STXBP5L: variants seen among roughly 807,000 people sequenced by gnomAD.
STXBP5L encodes syntaxin binding protein 5L.
STXBP5L carries 65 observed loss-of-function variants against 144.5 expected under a neutral mutation model. That is an observed-to-expected ratio of 0.45 (90% CI 0.37 to 0.55). STXBP5L has a LOEUF of 0.55. Among genes scored for constraint, STXBP5L ranks in the 20% least tolerant of loss-of-function variants. The pLI, the probability that STXBP5L is intolerant of heterozygous loss-of-function variation, is 0.00. For synonymous variants in STXBP5L, 505 were observed against 469.6 expected, an observed-to-expected ratio of 1.08 and a Z score of -0.97; for missense variants, 1,298 against 1,405.5, an observed-to-expected ratio of 0.92 and a Z score of 1.22.
At chr3:121,181,292 G>C (rs2047142944) in intron 9 of STXBP5L, among the ~76,000 whole-genome samples, 1 of 151,980 alleles carries the variant, frequency 6.6e-6, no homozygotes, top group African/African-American at 2.4e-5. Context: ...CTCCAGCCTG[G>C]GCAACAAGAG....
intron 3 of STXBP5L, among the ~76,000 whole-genome samples, chr3:120,988,299 G>GT (rs1184324219): frequency 4.6e-5 from 7 of 151,126 alleles, no homozygotes; most frequent in Non-Finnish European, 7.4e-5. Flanking sequence ...TAATACAGGT[G>GT]TTTTTTTCAT....
intron 22 of STXBP5L, among the ~76,000 whole-genome samples, chr3:121,387,619 A>G (rs910539680): frequency 5.3e-5 from 8 of 152,222 alleles, no homozygotes; most frequent in East Asian, 3.8e-4. Flanking sequence ...AGCTTTCTAC[A>G]TATGGCTAGC....
chr3:120,939,900 G>A (rs1391823860), intron 2 of STXBP5L, among the ~76,000 whole-genome samples: 1 of 152,116 alleles, frequency 6.6e-6, no homozygotes, highest in Admixed American at 6.6e-5. Flanking sequence ...TATAGATGAA[G>A]AAACTGAGAG....
At chr3:121,356,200 C>T (rs1327924710) in intron 20 of STXBP5L, among the ~76,000 whole-genome samples, 2 of 152,242 alleles carry the variant, frequency 1.3e-5, no homozygotes. Context: ...AAACGCCGTG[C>T]TGGGAGAAAC....
At chr3:121,291,781 G>A (rs1210994846) in intron 19 of STXBP5L, among the ~76,000 whole-genome samples, 3 of 151,890 alleles carry the variant, frequency 2.0e-5, no homozygotes, top group Non-Finnish European at 2.9e-5. Context: ...CATCAACAAA[G>A]CGAACAATAA....
intron 5 of STXBP5L, among the ~76,000 whole-genome samples, chr3:121,085,554 C>A (rs1415703262): frequency 6.6e-6 from 1 of 152,116 alleles, no homozygotes; most frequent in Non-Finnish European, 1.5e-5. Flanking sequence ...AGAGCCAAAT[C>A]ATGAATGAAC....
intron 5 of STXBP5L, among the ~76,000 whole-genome samples, chr3:121,076,059 A>G (rs529625653): frequency 2.6e-5 from 4 of 152,154 alleles, no homozygotes; most frequent in Non-Finnish European, 4.4e-5. Flanking sequence ...AATTTAAGAG[A>G]TCAGTAGTAG....
chr3:121,290,201 T>A (rs1262119641), intron 19 of STXBP5L, among the ~76,000 whole-genome samples: 2 of 151,924 alleles, frequency 1.3e-5, no homozygotes, highest in Non-Finnish European at 2.9e-5. Flanking sequence ...ATAAACTCAA[T>A]TAGAAACAAA....
intron 9 of STXBP5L, among the ~76,000 whole-genome samples, chr3:121,172,682 C>A (rs933920408): frequency 7.2e-5 from 11 of 152,150 alleles, no homozygotes; most frequent in African/African-American, 2.2e-4. Flanking sequence ...CAGGAAACAA[C>A]AGATGCTGGA....
intron 10 of STXBP5L, among the ~76,000 whole-genome samples, chr3:121,215,601 G>C (rs1313314453): frequency 6.6e-6 from 1 of 152,144 alleles, no homozygotes; most frequent in East Asian, 1.9e-4. Context: ...CCCTTTGTAG[G>C]TAACCCGACC....
rs118064262 is a variant in STXBP5L at position 121,154,805 on chromosome 3, A to G, written c.753+2245A>G. 3.7e-4 allele frequency among the ~76,000 whole-genome samples: 56 copies of G among 151,760 alleles called. 1 individual carries two copies. In the East Asian group the frequency reaches 8.9e-3, roughly 24 times the overall value. On this transcript the variant is annotated intron_variant, in intron 8 of 26. Coordinates refer to ENST00000471454, the MANE Select transcript of STXBP5L (RefSeq NM_001308330.2). ...TATTTAAATATCTAAACCTCCTTCT[A>G]TGTTTTCTTCTGGTTTTTAAGTCTT...
intron 5 of STXBP5L, among the ~76,000 whole-genome samples, chr3:121,071,446 G>T (rs897319954): frequency 3.3e-5 from 5 of 152,194 alleles, no homozygotes; most frequent in African/African-American, 9.6e-5. Context: ...CAGGGAAGTT[G>T]TCCGTGTCAG....
At chr3:121,369,897 G>T (rs567510381) in intron 20 of STXBP5L, among the ~76,000 whole-genome samples, 2 of 152,120 alleles carry the variant, frequency 1.3e-5, no homozygotes, top group Non-Finnish European at 2.9e-5. Flanking sequence ...TAGCTAGGTT[G>T]GGTAAGTTCT....
At chr3:120,996,171 A>G (rs529488879) in intron 3 of STXBP5L, among the ~76,000 whole-genome samples, 3 of 151,494 alleles carry the variant, frequency 2.0e-5, no homozygotes, top group Non-Finnish European at 2.9e-5. Context: ...TGCTTTCCAT[A>G]TTTTTGTTTT....
chr3:121,026,098 C>G (rs1353622988), intron 3 of STXBP5L, among the ~76,000 whole-genome samples: 1 of 149,236 alleles, frequency 6.7e-6, no homozygotes, highest in East Asian at 1.9e-4. Context: ...GCTTAAAAGC[C>G]TTCAGTGACT....
At chr3:121,061,621 C>G (rs1335302855) in intron 5 of STXBP5L, among the ~76,000 whole-genome samples, 1 of 152,194 alleles carries the variant, frequency 6.6e-6, no homozygotes, top group African/African-American at 2.4e-5. Flanking sequence ...TTGTAGGTCT[C>G]TAAGAACTTG....
chr3:121,082,651 T>C (rs1290062007), intron 5 of STXBP5L, among the ~76,000 whole-genome samples: 3 of 152,234 alleles, frequency 2.0e-5, no homozygotes, highest in Non-Finnish European at 4.4e-5. Flanking sequence ...AGTACATGTG[T>C]AAGCAGGAGG....
In STXBP5L at chr3:121,257,273, C is replaced by T; in HGVS notation, c.1772C>T (p.Ser591Phe). The change falls in exon 17 of 27, where the codon TCT becomes TTT. Residue 591 changes from serine to phenylalanine, a missense_variant. Transcript: ENST00000471454. The part of the protein sequence containing the change: ...SAQLPSSRSL[S>F]GSTNTVASEG... ...CAGCTTCCTTCTTCAAGGAGTCTTT[C>T]TGGGAGCACTAACACTGTTGCTAGT... 6.2e-7 allele frequency: 1 copy of T among 1,613,814 alleles called. No individual in the cohort carries two copies. The highest frequency in any genetic ancestry group is 8.5e-7 in the Non-Finnish European group (1 of 1,179,798).
intron 3 of STXBP5L, among the ~76,000 whole-genome samples, chr3:121,028,322 TTTCTC>T (rs1459333640): frequency 6.6e-6 from 1 of 152,092 alleles, no homozygotes; most frequent in Non-Finnish European, 1.5e-5. Flanking sequence ...AGTATTTTCT[TTTCTC>T]TAGTTGATAT....
Sources: gnomAD v4.1 joint callset for allele counts (sites outside exome capture counted in the v4.1 genomes callset) on GRCh38, gnomAD v4.1.1 for gene constraint, MANE v1.5 for transcripts, NCBI Gene and HGNC (gene_info 2026-07-23, HGNC 2026-07-21) for gene names.